Variants in CORO7 observed in about 807,000 individuals in gnomAD.
CORO7 encodes coronin-7.
CORO7 carries 107 observed loss-of-function variants against 126.6 expected under a neutral mutation model. That is an observed-to-expected ratio of 0.85 (90% confidence interval 0.72 to 0.99). The LOEUF is 0.99. Ranked by LOEUF, CORO7 falls within the 50% of genes least tolerant of loss-of-function variation. The probability of loss-of-function intolerance (pLI) is 0.00; values close to 1 mark genes in which losing one functional copy is unlikely to be tolerated. For missense variants in CORO7, 1,314 were observed against 1,255.8 expected, an observed-to-expected ratio of 1.05 and a Z score of -0.70; for synonymous variants, 603 against 536.8, an observed-to-expected ratio of 1.12 and a Z score of -1.70.
At position 4,355,008 on chromosome 16, in the gene CORO7, C is replaced by A. The variant is rs770225749; in HGVS notation, c.*150G>T. ...ACAGTCCCTGGGAACTGCCAGAGGC[C>A]CAGAGGATGTGGAAGTGCCCACGGG... On this transcript the variant is annotated 3_prime_UTR_variant, in exon 28 of 28. Transcript: ENST00000251166. The A allele has an allele frequency of 3.7e-6, 3 of 804,490 alleles. No homozygotes were observed. The South Asian group carries it at 8.5e-5, about 23-fold the overall frequency. The allele number at this position is 804,490 out of a possible 1,614,324, so 49.8% of individuals were successfully genotyped here. A position where few individuals can be genotyped will look rare whatever the true frequency, so the allele number is the denominator to read the frequency against.
At chr16:4,395,689 C>T (rs1567290245) in intron 6 of CORO7, among the ~76,000 whole-genome samples, 2 of 152,212 alleles carry the variant, frequency 1.3e-5, no homozygotes, top group East Asian at 3.8e-4. Context: ...CATGATCCCT[C>T]ACAGACAGAC....
chr16:4,382,248 G>T, intron 9 of CORO7: 1 of 1,607,426 alleles, frequency 6.2e-7, no homozygotes, highest in East Asian at 2.2e-5. Flanking sequence ...CACCAGTCAC[G>T]CCGAGGCCAC....
intron 21 of CORO7, 118 bp from the exon 22 acceptor site, chr16:4,359,739 C>A: frequency 1.5e-6 from 2 of 1,329,184 alleles, no homozygotes; most frequent in Admixed American, 2.8e-5. Context: ...CCTAGTGTGG[C>A]CCGGCACCGC....
rs184068695 is a variant in CORO7 at position 4,387,257 on chromosome 16, C to T, written c.785+729G>A. On this transcript the variant is annotated intron_variant, in intron 9 of 27. Transcript: ENST00000251166. ...TCACTCATAAATGCTTGCCCTGGGC[C>T]TCCTGGTGTCTGGCTCCTGAGCCGC... Among the ~76,000 whole-genome samples the T allele has an allele frequency of 3.1e-3, 476 of 152,294 alleles. 4 individuals are homozygous for T. Among genetic ancestry groups the T allele is most frequent in the Admixed American group, 9.5e-3 (145 of 15,308 alleles).
Position 4,360,496 on chromosome 16 carries a change from T to C in CORO7, c.1970A>G (p.Lys657Arg). Residue 657 changes from lysine (K) to arginine (R), a missense_variant, in exon 20 of 28, where the codon AAG (lysine) becomes AGG (arginine). Coordinates refer to ENST00000251166, the MANE Select transcript of CORO7 (RefSeq NM_024535.5). ...PDGQQLATVC[K>R]DGRVRVYRPR... Reference sequence around the variant, plus strand: ...CCTGTAGACCCGCACACGCCCATCCTTGCAGACAGTGGCCAGCTGCTGCCC... The same window carrying C: ...CCTGTAGACCCGCACACGCCCATCCCTGCAGACAGTGGCCAGCTGCTGCCC... 1 of 1,612,148 alleles carries C rather than the reference T, an allele frequency of 6.2e-7. No individual in the cohort carries two copies. The highest frequency in any genetic ancestry group is 8.5e-7 in the Non-Finnish European group (1 of 1,179,588).
At chr16:4,365,088 T>C (rs777464865) in intron 10 of CORO7, 28 bp from the exon 11 acceptor site, 1 of 1,578,240 alleles carries the variant, frequency 6.3e-7, no homozygotes, top group South Asian at 1.2e-5. Context: ...TGAGCCCCGT[T>C]TGCTGACTGA....
In CORO7 at chr16:4,395,326, C is replaced by A; in HGVS notation, c.578G>T (p.Arg193Leu). ...VGTACKDKQL[R>L]IFDPRTKPRA... Reference sequence around the variant, plus strand: ...CGGCTTTGTTCTGGGGTCAAAGATCCGCAGCTGCTTGTCCTGGAAAAGCAG... The same window carrying A: ...CGGCTTTGTTCTGGGGTCAAAGATCAGCAGCTGCTTGTCCTGGAAAAGCAG... The change falls in exon 7 of 28, where the codon CGG (arginine) becomes CTG (leucine). Residue 193 changes from arginine (R) to leucine (L), a missense_variant. Arg to Leu is a moderately radical substitution (Grantham distance 102). Transcript: ENST00000251166. 1 of 1,613,772 alleles carries A rather than the reference C, an allele frequency of 6.2e-7. No homozygotes were observed. Among genetic ancestry groups the A allele is most frequent in the Non-Finnish European group, 8.5e-7 (1 of 1,179,932 alleles).
intron 9 of CORO7, among the ~76,000 whole-genome samples, chr16:4,377,849 C>T (rs1012760137): frequency 2.6e-5 from 4 of 152,216 alleles, no homozygotes; most frequent in African/African-American, 7.2e-5. Flanking sequence ...GGGAAGCAGG[C>T]TGGCTGCCGC....
Position 4,365,037 on chromosome 16 carries a change from G to C in CORO7, c.864C>G (p.Tyr288Ter), listed in dbSNP as rs144596172. Residue 288 changes from tyrosine to a stop codon, truncating the protein, a stop_gained, in exon 11 of 28, where the codon TAC becomes TAG. Transcript: ENST00000251166. LOFTEE classifies it high-confidence loss of function. ...AGKGERQLYC[Y>*]EVVPQQPALS... ...GCGCCGGCTGCTGCGGGACCACCTCGTAACAGTACAGCTGCCTCTCGCCCT... is the reference window on the plus strand; with the variant it reads ...GCGCCGGCTGCTGCGGGACCACCTCCTAACAGTACAGCTGCCTCTCGCCCT... 1 of 1,604,812 alleles carries C rather than the reference G, an allele frequency of 6.2e-7. No homozygotes were observed. Among genetic ancestry groups the C allele is most frequent in the Non-Finnish European group, 8.5e-7 (1 of 1,176,122 alleles).
intron 9 of CORO7, among the ~76,000 whole-genome samples, chr16:4,386,302 T>A (rs976115210): frequency 1.3e-5 from 2 of 152,206 alleles, no homozygotes; most frequent in African/African-American, 4.8e-5. Context: ...CTGGGCATCA[T>A]TAACTCCTCC....
intron 7 of CORO7, among the ~76,000 whole-genome samples, chr16:4,394,892 G>T (rs942694261): frequency 3.3e-5 from 5 of 152,206 alleles, no homozygotes; most frequent in African/African-American, 9.6e-5. Flanking sequence ...TGTACGTTTT[G>T]ACAGGTCCCA....
intron 9 of CORO7, chr16:4,381,484 G>C (rs755695131): frequency 6.3e-7 from 1 of 1,586,176 alleles, no homozygotes; most frequent in East Asian, 2.3e-5. Flanking sequence ...GGCTGGTCTG[G>C]GGCTGCAGCA....
intron 26 of CORO7, 48 bp from the exon 27 acceptor site, chr16:4,355,420 G>T: frequency 6.5e-7 from 1 of 1,544,484 alleles, no homozygotes. Context: ...AGGACTCCCT[G>T]TTCCCTCTCC....
Position 4,366,270 on chromosome 16 carries a change from G to A in CORO7, c.786-725C>T, listed in dbSNP as rs1279311847. Reference sequence around the variant, plus strand: ...TCTCGAGGCAGGAGCAGGGCGGGGTGGCAGCTGGGAATAGAGTGGGCGGGC... The same window carrying A: ...TCTCGAGGCAGGAGCAGGGCGGGGTAGCAGCTGGGAATAGAGTGGGCGGGC... On this transcript the variant is annotated intron_variant, in intron 9 of 27. Coordinates refer to ENST00000251166, the MANE Select transcript of CORO7 (RefSeq NM_024535.5). 1.1e-4 allele frequency among the ~76,000 whole-genome samples: 16 copies of A among 152,182 alleles called. 1 individual carries two copies. Among genetic ancestry groups the A allele is most frequent in the Admixed American group, 1.0e-3 (16 of 15,288 alleles).
intron 6 of CORO7, among the ~76,000 whole-genome samples, chr16:4,405,110 G>A (rs971516843): frequency 9.2e-5 from 14 of 152,156 alleles, no homozygotes; most frequent in African/African-American, 2.4e-4. Context: ...TGTCCTCGAC[G>A]GAAGTCACCT....
At chr16:4,386,000 G>A (rs2055180615) in intron 9 of CORO7, among the ~76,000 whole-genome samples, 1 of 152,196 alleles carries the variant, frequency 6.6e-6, no homozygotes, top group Admixed American at 6.5e-5. Context: ...TTGCTCAGAG[G>A]CCCCGGCACC....
At chr16:4,383,263 C>T (rs1290038582) in intron 9 of CORO7, 1 of 269,854 alleles carries the variant, frequency 3.7e-6, no homozygotes, top group Non-Finnish European at 7.4e-6. Context: ...GAAGGAAGCT[C>T]CCGGAAAGAG....
chr16:4,407,121 T>C (rs1270007204), intron 5 of CORO7, among the ~76,000 whole-genome samples: 2 of 151,734 alleles, frequency 1.3e-5, no homozygotes, highest in Non-Finnish European at 1.5e-5. Flanking sequence ...CTAATTTTTG[T>C]ATATTTAGTA....
At chr16:4,374,423 A>C (rs1034101550) in intron 9 of CORO7, among the ~76,000 whole-genome samples, 1 of 152,022 alleles carries the variant, frequency 6.6e-6, no homozygotes, top group Admixed American at 6.5e-5. Context: ...GCGAGGGGCC[A>C]GTTATTCTTC....
Sources: allele counts gnomAD v4.1 joint callset (sites outside exome capture counted in the v4.1 genomes callset), GRCh38; gene constraint gnomAD v4.1.1; transcripts MANE v1.5; gene names NCBI Gene and HGNC (gene_info 2026-07-23, HGNC 2026-07-21).